The following RAB33B variants were observed in gnomAD, a reference collection of about 807,000 sequenced individuals.
RAB33B encodes the protein ras-related protein Rab-33B.
In RAB33B, 6 loss-of-function variants were observed where a neutral mutation model predicts 15.0. The observed-to-expected ratio is 0.40, with a 90% CI of 0.22 to 0.79. The LOEUF is 0.79. Ranked by LOEUF, RAB33B falls within the 30% of genes least tolerant of loss-of-function variation. The pLI, the probability that RAB33B is intolerant of heterozygous loss-of-function variation, is 0.37. For synonymous variants in RAB33B, 117 were observed against 108.3 expected, an observed-to-expected ratio of 1.08 and a Z score of -0.50; for missense variants, 257 against 296.4, an observed-to-expected ratio of 0.87 and a Z score of 0.98.
the RAB33B span, among the ~76,000 whole-genome samples, chr4:139,444,707 T>C: frequency 6.6e-6 from 1 of 152,136 alleles, no homozygotes; most frequent in Admixed American, 6.5e-5. Flanking sequence ...TTAGCTCAGG[T>C]CCAACTGACA....
chr4:139,458,152 G>A (rs1750105961), intron 1 of RAB33B, among the ~76,000 whole-genome samples: 1 of 152,112 alleles, frequency 6.6e-6, no homozygotes, highest in Non-Finnish European at 1.5e-5. Flanking sequence ...TTCCAGCTGG[G>A]TGTTGTGGCT....
At chr4:139,457,693 A>T (rs1750093424) in intron 1 of RAB33B, among the ~76,000 whole-genome samples, 1 of 152,230 alleles carries the variant, frequency 6.6e-6, no homozygotes, top group African/African-American at 2.4e-5. Context: ...TCAGCAAACT[A>T]TGCTTGAGGG....
chr4:139,461,903 C>CA (rs1328468056), intron 1 of RAB33B, among the ~76,000 whole-genome samples: 1,434 of 138,604 alleles, frequency 0.01, 20 homozygotes, highest in African/African-American at 0.033. Flanking sequence ...GCCTCCATCT[C>CA]AAAAAAAAAA....
rs1750502116 is a variant in RAB33B, at chr4:139,476,340, T to C, written c.*3214T>C. 6.6e-6 allele frequency: 1 copy of C among 152,226 alleles called. No individual in the cohort carries two copies. Among genetic ancestry groups the C allele is most frequent in the African/African-American group, 2.4e-5 (1 of 41,470 alleles). The allele number at this position is 152,226 out of a possible 1,614,324, so 9.4% of individuals were successfully genotyped here. On this transcript the variant is annotated 3_prime_UTR_variant, in exon 2 of 2. Coordinates refer to ENST00000305626, the MANE Select transcript of RAB33B (RefSeq NM_031296.3). ...GATTTAGACACCATAGGATTAGGGA[T>C]GTGGGGGCCTCTGATGTTGATTCTG...
At chr4:139,467,411 A>AT (rs1212954252) in intron 1 of RAB33B, among the ~76,000 whole-genome samples, 2 of 39,182 alleles carry the variant, frequency 5.1e-5, no homozygotes, top group Non-Finnish European at 1.1e-4. Flanking sequence ...CAACATTTTG[A>AT]TTTTTTTTAG....
the RAB33B span, among the ~76,000 whole-genome samples, chr4:139,444,632 CA>C: frequency 6.6e-6 from 1 of 152,112 alleles, no homozygotes; most frequent in Non-Finnish European, 1.5e-5. Context: ...CTAGGGGACC[CA>C]AAATGTCACT....
the RAB33B span, among the ~76,000 whole-genome samples, chr4:139,447,348 A>G: frequency 1.3e-5 from 2 of 152,188 alleles, no homozygotes; most frequent in African/African-American, 4.8e-5. Context: ...TTTCTCTCAT[A>G]GCCAGGATTC....
At chr4:139,445,029 G>A in the RAB33B span, among the ~76,000 whole-genome samples, 2 of 152,230 alleles carry the variant, frequency 1.3e-5, no homozygotes, top group Non-Finnish European at 2.9e-5. Context: ...TTTGGCCTCT[G>A]CAAAAGACAG....
At chr4:139,464,904 A>C (rs1286315303) in intron 1 of RAB33B, among the ~76,000 whole-genome samples, 1 of 152,240 alleles carries the variant, frequency 6.6e-6, no homozygotes, top group African/African-American at 2.4e-5. Flanking sequence ...GTATATACCC[A>C]GTAATGAGAT....
At chr4:139,458,831 C>T (rs1276652764) in intron 1 of RAB33B, among the ~76,000 whole-genome samples, 1 of 152,212 alleles carries the variant, frequency 6.6e-6, no homozygotes, top group Non-Finnish European at 1.5e-5. Flanking sequence ...TGAGGAATCA[C>T]ACCACTTTCC....
the RAB33B span, among the ~76,000 whole-genome samples, chr4:139,445,836 G>A: frequency 6.6e-5 from 10 of 152,194 alleles, no homozygotes; most frequent in Admixed American, 3.3e-4. Context: ...GCCTTTGGCA[G>A]TCCCCCATAG....
chr4:139,462,725 T>G (rs115934610), intron 1 of RAB33B, among the ~76,000 whole-genome samples: 1 of 152,162 alleles, frequency 6.6e-6, no homozygotes, highest in African/African-American at 2.4e-5. Context: ...CTTTCTGGAG[T>G]CTCTCTCAAC....
upstream of RAB33B, chr4:139,453,304 G>C (rs1232089206): frequency 6.6e-6 from 1 of 152,144 alleles, no homozygotes; most frequent in African/African-American, 2.4e-5. Context: ...ATATTCTTGG[G>C]GATGCCTAGC....
rs181385582 is a variant in RAB33B, at chr4:139,471,838, A to C, written c.250-848A>C. ...CCTAATCCAAGGTTACGAAGAGTTA[A>C]AGTTTTAGCTCTTAAATTTAGGTCT... On this transcript the variant is annotated intron_variant, in intron 1 of 1. Coordinates refer to ENST00000305626, the MANE Select transcript of RAB33B (RefSeq NM_031296.3). 6.6e-5 allele frequency among the ~76,000 whole-genome samples: 10 copies of C among 152,328 alleles called. No homozygotes were observed. The East Asian group carries it at 1.9e-3, about 29-fold the overall frequency.
chr4:139,470,030 G>T (rs1000861252), intron 1 of RAB33B, among the ~76,000 whole-genome samples: 1 of 152,114 alleles, frequency 6.6e-6, no homozygotes, highest in Non-Finnish European at 1.5e-5. Flanking sequence ...CTCACCCAAG[G>T]CCTGCTGTAA....
At chr4:139,439,869 T>G in the RAB33B span, among the ~76,000 whole-genome samples, 1 of 152,180 alleles carries the variant, frequency 6.6e-6, no homozygotes, top group Non-Finnish European at 1.5e-5. Flanking sequence ...GAATTTCTTT[T>G]TGGTTTCTTT....
rs535895354 is a variant in RAB33B, at chr4:139,472,136, T to C, written c.250-550T>C. On this transcript the variant is annotated intron_variant, in intron 1 of 1. Transcript: ENST00000305626. ...TAGTAAGTTTTGACATCTATAGTTT[T>C]AAGCATTTTAATTCTATGTTGAGCA... Among the ~76,000 whole-genome samples the C allele has an allele frequency of 3.9e-5, 6 of 152,356 alleles. No individual in the cohort carries two copies. The East Asian group carries it at 5.8e-4, about 15-fold the overall frequency.
chr4:139,446,322 G>GT, the RAB33B span, among the ~76,000 whole-genome samples: 2 of 152,174 alleles, frequency 1.3e-5, no homozygotes, highest in Non-Finnish European at 2.9e-5. Context: ...GTGGACAGCT[G>GT]TAGCACTACA....
At chr4:139,457,894 A>G (rs1015475187) in intron 1 of RAB33B, among the ~76,000 whole-genome samples, 3 of 152,086 alleles carry the variant, frequency 2.0e-5, no homozygotes, top group African/African-American at 4.8e-5. Context: ...TCTGAGTCCA[A>G]TTGGTTTTCC....
Sources: allele counts gnomAD v4.1 joint callset (sites outside exome capture counted in the v4.1 genomes callset), GRCh38; gene constraint gnomAD v4.1.1; transcripts MANE v1.5; gene names NCBI Gene and HGNC (gene_info 2026-07-23, HGNC 2026-07-21).